The following STXBP6 variants were observed in gnomAD, a reference collection of about 807,000 sequenced individuals.
The protein encoded by STXBP6 is syntaxin binding protein 6.
In STXBP6, 21 loss-of-function variants were observed where a neutral mutation model predicts 26.9. The observed-to-expected ratio is 0.78, with a 90% CI of 0.55 to 1.12. The LOEUF (loss-of-function observed/expected upper bound fraction) is 1.12, where lower values mean the gene tolerates loss of function less well. Ranked by LOEUF, STXBP6 falls within the 50% of genes most tolerant of loss-of-function variation. STXBP6 has a pLI of 0.00. For synonymous variants in STXBP6, 97 were observed against 92.6 expected (o/e 1.05, Z -0.27); for missense variants, 232 against 257.9 (o/e 0.90, Z 0.69).
chr14:24,935,169 C>T (rs2072551955), intron 2 of STXBP6, among the ~76,000 whole-genome samples: 1 of 152,046 alleles, frequency 6.6e-6, no homozygotes, highest in Non-Finnish European at 1.5e-5. Flanking sequence ...GAAAAAGCAG[C>T]AAGGGCAAAT....
chr14:24,931,248 AG>A (rs376022576), intron 2 of STXBP6, among the ~76,000 whole-genome samples: 42 of 36,728 alleles, frequency 1.1e-3, no homozygotes, highest in African/African-American at 4.0e-3. Context: ...AGGTGGGGGG[AG>A]GGGGGAGGGA....
chr14:24,812,805 T>C (rs1594889481), intron 5 of STXBP6, 73 bp from the exon 6 acceptor site: 2 of 1,442,384 alleles, frequency 1.4e-6, no homozygotes, highest in Non-Finnish European at 1.9e-6. Context: ...ACTGTGCTGC[T>C]CCCTCTCCAC....
intron 1 of STXBP6, among the ~76,000 whole-genome samples, chr14:24,977,600 C>T (rs1457145664): frequency 6.6e-6 from 1 of 152,096 alleles, no homozygotes; most frequent in Non-Finnish European, 1.5e-5. Flanking sequence ...GATGTCTTCA[C>T]CTACCTCCTG....
At chr14:24,919,327 G>C (rs895674392) in intron 2 of STXBP6, among the ~76,000 whole-genome samples, 3 of 151,770 alleles carry the variant, frequency 2.0e-5, no homozygotes, top group Non-Finnish European at 1.5e-5. Flanking sequence ...CTAAGAAAGG[G>C]AAAATTATCC....
At chr14:25,039,707 C>T (rs1328663297) in intron 1 of STXBP6, among the ~76,000 whole-genome samples, 7 of 151,038 alleles carry the variant, frequency 4.6e-5, no homozygotes, top group Admixed American at 4.6e-4. Context: ...GAATCTGCAT[C>T]CTTTTTTTTT....
At position 24,904,509 on chromosome 14, in the gene STXBP6, C is replaced by T. The variant is rs541490360; in HGVS notation, c.155-47352G>A. 3.4e-4 allele frequency among the ~76,000 whole-genome samples: 51 copies of T among 152,160 alleles called. 2 individuals are homozygous for T. The South Asian group carries it at 7.7e-3, about 23-fold the overall frequency. ...TATCTGTTCTGGACTAAAGTGTGTC[C>T]CCCCAAAAATTCAGCCTTTGAAGCT... On this transcript the variant is annotated intron_variant, in intron 2 of 5. Coordinates refer to ENST00000323944, the MANE Select transcript of STXBP6 (RefSeq NM_001394410.1).
At chr14:24,933,718 T>C (rs1785998601) in intron 2 of STXBP6, among the ~76,000 whole-genome samples, 1 of 152,154 alleles carries the variant, frequency 6.6e-6, no homozygotes. Flanking sequence ...TACCAAATTT[T>C]GTTGAATATT....
intron 1 of STXBP6, among the ~76,000 whole-genome samples, chr14:25,047,227 C>T (rs1439835111): frequency 2.6e-5 from 4 of 152,098 alleles, no homozygotes; most frequent in African/African-American, 9.7e-5. Context: ...GTCACCAATC[C>T]GGCACTACCC....
rs957642282 is a variant in STXBP6, at chr14:24,901,700, A to T, written c.155-44543T>A. Among the ~76,000 whole-genome samples the T allele has an allele frequency of 5.3e-5, 7 of 132,554 alleles. No homozygotes were observed. The South Asian group carries it at 1.5e-3, about 29-fold the overall frequency. The allele number at this position is 132,554 out of a possible 152,430, so 87.0% of individuals were successfully genotyped here. On this transcript the variant is annotated intron_variant, in intron 2 of 5. Transcript: ENST00000323944. ...AATTAAAAAGAAGCTATACTAACAC[A>T]TGAAACAATATGGATGAGTCTCAAA...
chr14:24,829,853 A>G (rs2068405175), intron 4 of STXBP6, among the ~76,000 whole-genome samples: 1 of 152,176 alleles, frequency 6.6e-6, no homozygotes, highest in Non-Finnish European at 1.5e-5. Context: ...TTAAAAAAAT[A>G]TGTGTAGGGG....
chr14:25,019,175 T>A (rs78078021), intron 1 of STXBP6, among the ~76,000 whole-genome samples: 5,079 of 152,290 alleles, frequency 0.033, 266 homozygotes, highest in African/African-American at 0.11. Context: ...ATAATGCTTA[T>A]CAGAAACTTT....
At chr14:24,838,598 C>T (rs1057320929) in intron 4 of STXBP6, among the ~76,000 whole-genome samples, 3 of 151,976 alleles carry the variant, frequency 2.0e-5, no homozygotes, top group Non-Finnish European at 2.9e-5. Flanking sequence ...GCAGAAGGAT[C>T]GCTTGAACTC....
intron 1 of STXBP6, among the ~76,000 whole-genome samples, chr14:25,048,568 G>T (rs913558299): frequency 2.6e-5 from 4 of 152,214 alleles, no homozygotes; most frequent in African/African-American, 9.7e-5. Flanking sequence ...TGGCACTTGA[G>T]CAGTGTGAGG....
intron 2 of STXBP6, among the ~76,000 whole-genome samples, chr14:24,969,603 A>T (rs1034063207): frequency 4.6e-5 from 7 of 152,210 alleles, no homozygotes; most frequent in African/African-American, 1.7e-4. Context: ...AGTAAACAAA[A>T]AACTCAAATA....
At position 24,927,901 on chromosome 14, in the gene STXBP6, A is replaced by C. The variant is rs552910655; in HGVS notation, c.154+46764T>G. Among the ~76,000 whole-genome samples the C allele has an allele frequency of 9.2e-5, 14 of 152,280 alleles. No homozygotes were observed. The South Asian group carries it at 2.9e-3, about 32-fold the overall frequency. On this transcript the variant is annotated intron_variant, in intron 2 of 5. Transcript: ENST00000323944. The stretch of plus-strand genomic sequence containing the variant: ...CTCTAGTTCTGGAGAGCATATAATC[A>C]GTCAGGGATTTAATTCTCATTAATC...
chr14:24,962,931 T>C (rs868840436), intron 2 of STXBP6, among the ~76,000 whole-genome samples: 5 of 151,674 alleles, frequency 3.3e-5, no homozygotes, highest in Admixed American at 6.6e-5. Flanking sequence ...AAATATTGTA[T>C]GGTACTCAAG....
intron 2 of STXBP6, among the ~76,000 whole-genome samples, chr14:24,939,938 C>T (rs1045539975): frequency 6.6e-6 from 1 of 152,188 alleles, no homozygotes; most frequent in Admixed American, 6.5e-5. Flanking sequence ...CAGAGCATAA[C>T]AAACTGAGTC....
At chr14:24,931,135 AAAAAAAAC>A (rs1284352309) in intron 2 of STXBP6, among the ~76,000 whole-genome samples, 1 of 93,066 alleles carries the variant, frequency 1.1e-5, no homozygotes, top group Non-Finnish European at 2.2e-5. Flanking sequence ...AAAAAAAAAA[AAAAAAAAC>A]CCAAACACCA....
intron 2 of STXBP6, among the ~76,000 whole-genome samples, chr14:24,963,970 T>TAAAAAAAAAAA (rs768793147): frequency 3.1e-5 from 2 of 64,718 alleles, no homozygotes; most frequent in Admixed American, 1.9e-4. Context: ...AGCAAGTTTC[T>TAAAAAAAAAAA]AAAAAAAAAA....
Sources: allele counts gnomAD v4.1 joint callset (sites outside exome capture counted in the v4.1 genomes callset), GRCh38; gene constraint gnomAD v4.1.1; transcripts MANE v1.5; gene names NCBI Gene and HGNC (gene_info 2026-07-23, HGNC 2026-07-21).